SHISA5: variants seen among roughly 807,000 people sequenced by gnomAD.
The protein encoded by SHISA5 is shisa family member 5.
A neutral mutation model predicts 27.5 loss-of-function variants in SHISA5; 21 were observed. That is an observed-to-expected ratio of 0.76 (90% CI 0.54 to 1.10). SHISA5 has a LOEUF of 1.10. SHISA5 is among the 50% of genes least tolerant of loss of function. The pLI, the probability that SHISA5 is intolerant of heterozygous loss-of-function variation, is 0.00. For missense variants in SHISA5, 314 were observed against 336.3 expected (o/e 0.93, Z 0.52); for synonymous variants, 137 against 142.2 (o/e 0.96, Z 0.26).
At chr3:48,500,160 G>A (rs908211400) in intron 2 of SHISA5, among the ~76,000 whole-genome samples, 1 of 152,228 alleles carries the variant, frequency 6.6e-6, no homozygotes, top group African/African-American at 2.4e-5. Context: ...GAGGGACACA[G>A]CAGTAGTGGG....
At chr3:48,475,874 T>G (rs1306121803) in intron 3 of SHISA5, among the ~76,000 whole-genome samples, 1 of 152,078 alleles carries the variant, frequency 6.6e-6, no homozygotes, top group African/African-American at 2.4e-5. Context: ...AAACAGAGAT[T>G]CACTTGCCAA....
chr3:48,494,935 G>A (rs1020416847), intron 2 of SHISA5, among the ~76,000 whole-genome samples: 3 of 146,964 alleles, frequency 2.0e-5, no homozygotes, highest in Admixed American at 6.7e-5. Context: ...ACTGAAACAT[G>A]AAAGATCTGT....
intron 2 of SHISA5, among the ~76,000 whole-genome samples, chr3:48,479,805 C>A (rs1206960159): frequency 2.0e-5 from 3 of 152,166 alleles, no homozygotes; most frequent in Non-Finnish European, 2.9e-5. Flanking sequence ...ATTGGCCAGG[C>A]TGGTCTCGAA....
intron 2 of SHISA5, among the ~76,000 whole-genome samples, chr3:48,489,060 C>T (rs750428721): frequency 1.7e-4 from 26 of 152,046 alleles, no homozygotes; most frequent in Non-Finnish European, 2.8e-4. Flanking sequence ...GGAAGGCTGT[C>T]GGACATCTAA....
chr3:48,500,740 C>A (rs959334642), intron 2 of SHISA5, among the ~76,000 whole-genome samples: 11 of 152,182 alleles, frequency 7.2e-5, no homozygotes, highest in African/African-American at 2.4e-4. Flanking sequence ...ACAGGCTCCA[C>A]AAGCGGGTTC....
chr3:48,502,005 T>A (rs906011588), intron 1 of SHISA5, among the ~76,000 whole-genome samples: 2 of 152,130 alleles, frequency 1.3e-5, no homozygotes, highest in East Asian at 3.9e-4. Context: ...GGATTACAGG[T>A]GCCTGCCACC....
chr3:48,474,115 TCTCA>T (rs1192341024), intron 3 of SHISA5, among the ~76,000 whole-genome samples: 1 of 151,618 alleles, frequency 6.6e-6, no homozygotes, highest in African/African-American at 2.4e-5. Flanking sequence ...TGAGGCAGGG[TCTCA>T]CTCTGTTGCC....
chr3:48,487,071 T>A (rs191921723), intron 2 of SHISA5, among the ~76,000 whole-genome samples: 11 of 151,420 alleles, frequency 7.3e-5, no homozygotes, highest in Admixed American at 7.3e-4. Flanking sequence ...CATAGGGAGA[T>A]CCCATCAGTA....
At chr3:48,484,724 C>T (rs573392792) in intron 2 of SHISA5, among the ~76,000 whole-genome samples, 13 of 151,392 alleles carry the variant, frequency 8.6e-5, no homozygotes, top group African/African-American at 2.7e-4. Flanking sequence ...AAACCCCATC[C>T]CTACTAAAAA....
At chr3:48,474,253 A>AT (rs2040743122) in intron 3 of SHISA5, among the ~76,000 whole-genome samples, 1 of 150,078 alleles carries the variant, frequency 6.7e-6, no homozygotes, top group South Asian at 2.1e-4. Context: ...ACACTCGGCT[A>AT]TTTTTTTATT....
At chr3:48,482,515 T>C (rs1330352086) in intron 2 of SHISA5, among the ~76,000 whole-genome samples, 1 of 152,230 alleles carries the variant, frequency 6.6e-6, no homozygotes, top group Non-Finnish European at 1.5e-5. Context: ...GAACACAGTA[T>C]TTAAAGCTAT....
At position 48,504,098 on chromosome 3, in the gene SHISA5, T is replaced by TGGGC. The variant is rs1325375045; in HGVS notation, c.-8_-5dup. ...GCGCGGGGACCGGCGCAGTCATGGC[T>TGGGC]GGGCGGGCGGACGGGCGGACGGACG... On this transcript the variant is annotated 5_prime_UTR_variant, in exon 1 of 6. Transcript: ENST00000296444. This position sits in a 1 kb window ranked among gnomAD's most constrained non-coding sequence, Gnocchi z 4.0. The TGGGC allele has an allele frequency of 2.3e-6, 3 of 1,306,012 alleles. No individual in the cohort carries two copies. The highest frequency in any genetic ancestry group is 7.8e-5 in the Admixed American group (2 of 25,502). The allele number at this position is 1,306,012 out of a possible 1,614,324, so 80.9% of individuals were successfully genotyped here.
intron 2 of SHISA5, among the ~76,000 whole-genome samples, chr3:48,484,907 T>C (rs2041147055): frequency 6.6e-6 from 1 of 151,876 alleles, no homozygotes; most frequent in Non-Finnish European, 1.5e-5. Context: ...AAAAGAAATC[T>C]GAGGCCAGGT....
chr3:48,489,712 T>G (rs1180376672), intron 2 of SHISA5, among the ~76,000 whole-genome samples: 1 of 147,466 alleles, frequency 6.8e-6, no homozygotes, highest in Non-Finnish European at 1.5e-5. Flanking sequence ...ACTGCAACCT[T>G]GATCTCCTAG....
At position 48,476,891 on chromosome 3, in the gene SHISA5, C is replaced by T. The variant is rs147439066; in HGVS notation, c.314+2286G>A. The stretch of plus-strand genomic sequence containing the variant: ...CAGGGCACGCCAAGCACACGGCACA[C>T]GAGGCCCAGTGCTATGCACACCACG... On this transcript the variant is annotated intron_variant, in intron 3 of 5. Coordinates refer to ENST00000296444, the MANE Select transcript of SHISA5 (RefSeq NM_016479.6). The T allele has an allele frequency of 8.1e-5, 25 of 310,498 alleles. No homozygotes were observed. In the East Asian group the frequency reaches 1.3e-3, roughly 16 times the overall value. The allele number at this position is 310,498 out of a possible 1,614,324, so 19.2% of individuals were successfully genotyped here.
At position 48,495,157 on chromosome 3, in the gene SHISA5, G is replaced by A. The variant is rs1053418196; in HGVS notation, c.233+5980C>T. Reference sequence around the variant, plus strand: ...TTATAATCCAAGTTTTGAAGAGGATGTAGAGCAAACTGGAACCCTCACATA... The same window carrying A: ...TTATAATCCAAGTTTTGAAGAGGATATAGAGCAAACTGGAACCCTCACATA... On this transcript the variant is annotated intron_variant, in intron 2 of 5. Coordinates refer to ENST00000296444, the MANE Select transcript of SHISA5 (RefSeq NM_016479.6). Among the ~76,000 whole-genome samples the A allele has an allele frequency of 2.0e-5, 3 of 146,372 alleles. No homozygotes were observed. In the South Asian group the frequency reaches 6.3e-4, roughly 31 times the overall value.
At chr3:48,504,289 G>A, upstream of SHISA5, 2 of 369,186 alleles carry the variant, frequency 5.4e-6, no homozygotes, top group Non-Finnish European at 9.6e-6. The surrounding 1 kb of genome is among the most constrained non-coding windows in gnomAD (Gnocchi z 4.0). Flanking sequence ...AAGGTGGAAG[G>A]AGGAGGAAGG....
intron 2 of SHISA5, among the ~76,000 whole-genome samples, chr3:48,499,573 G>A (rs1361342424): frequency 6.7e-6 from 1 of 150,100 alleles, no homozygotes; most frequent in African/African-American, 2.5e-5. Flanking sequence ...CCAGCTACTT[G>A]GGAGGCTGAG....
rs769953108 is a variant in SHISA5, at chr3:48,469,424, G to A, written c.580C>T (p.Gln194Ter). 1.2e-6 allele frequency: 2 copies of A among 1,612,680 alleles called. No homozygotes were observed. Among genetic ancestry groups the A allele is most frequent in the South Asian group, 2.2e-5 (2 of 90,830 alleles). Residue 194 changes from glutamine to a stop codon, truncating the protein, a stop_gained, in exon 5 of 6, where the codon CAG (glutamine) becomes TAG (stop). Coordinates refer to ENST00000296444, the MANE Select transcript of SHISA5 (RefSeq NM_016479.6). LOFTEE classifies it high-confidence loss of function. The surrounding 1 kb of genome is among the most constrained non-coding windows in gnomAD (Gnocchi z 4.6). ...TGGGCTGGGTAAGGTGGTGGGTACT[G>A]CATTGGGTAGGGTGCTGCTGGCATC... Reference protein sequence around the residue: ...PGMPAAPYPMQYPPPYPAQPM... With the variant: ...PGMPAAPYPM
Sources: allele counts gnomAD v4.1 joint callset (sites outside exome capture counted in the v4.1 genomes callset), GRCh38; gene constraint gnomAD v4.1.1; non-coding constraint Gnocchi (gnomAD v3.1); transcripts MANE v1.5; gene names NCBI Gene and HGNC (gene_info 2026-07-23, HGNC 2026-07-21).